Variants in RORA observed in about 807,000 individuals in gnomAD.
The protein encoded by RORA is RAR related orphan receptor A.
In RORA, 7 loss-of-function variants were observed where a neutral mutation model predicts 69.5. The observed-to-expected ratio is 0.10, with a 90% CI of 0.06 to 0.19. The LOEUF (loss-of-function observed/expected upper bound fraction) is 0.19, where lower values mean the gene tolerates loss of function less well. Among genes scored for constraint, RORA ranks in the 10% least tolerant of loss-of-function variants. The pLI is 1.00. For missense variants in RORA, 457 were observed against 663.0 expected (o/e 0.69, Z 3.41); for synonymous variants, 261 against 240.8 (o/e 1.08, Z -0.78).
intron 6 of RORA, 104 bp downstream of exon 6, chr15:60,505,404 G>T: frequency 9.1e-7 from 1 of 1,104,758 alleles, no homozygotes; most frequent in Non-Finnish European, 1.3e-6. Flanking sequence ...GAAACCTGAT[G>T]ACATTCATTC....
chr15:61,021,396 G>A (rs952193382), intron 1 of RORA, among the ~76,000 whole-genome samples: 3 of 152,180 alleles, frequency 2.0e-5, no homozygotes, highest in African/African-American at 7.2e-5. Flanking sequence ...GTCTGTTTAA[G>A]TGATTATAGC....
chr15:61,182,514 C>T (rs550598288), intron 1 of RORA, among the ~76,000 whole-genome samples: 2 of 152,350 alleles, frequency 1.3e-5, no homozygotes, highest in South Asian at 4.1e-4. Context: ...CTGGAGCCAA[C>T]TGCAGGAAGA....
intron 2 of RORA, chr15:60,558,431 G>GATCTCATACAC: frequency 1.7e-6 from 1 of 599,162 alleles, no homozygotes; most frequent in Non-Finnish European, 3.0e-6. Context: ...TAATTTAATA[G>GATCTCATACAC]ATCTCATACA....
intron 2 of RORA, among the ~76,000 whole-genome samples, chr15:60,580,127 T>C (rs1472411131): frequency 6.6e-6 from 1 of 152,184 alleles, no homozygotes; most frequent in African/African-American, 2.4e-5. Flanking sequence ...TTCAATGTAA[T>C]ATCAAGAGAG....
At chr15:60,676,098 G>A (rs988390856) in intron 2 of RORA, among the ~76,000 whole-genome samples, 2 of 152,012 alleles carry the variant, frequency 1.3e-5, no homozygotes, top group Non-Finnish European at 2.9e-5. Context: ...AAGAGGAGCT[G>A]GAATTTAACA....
chr15:61,037,632 A>T (rs1311560992), intron 1 of RORA, among the ~76,000 whole-genome samples: 1 of 152,218 alleles, frequency 6.6e-6, no homozygotes, highest in African/African-American at 2.4e-5. Context: ...AATTCAATTC[A>T]ATGAGCATTT....
chr15:60,611,168 G>T (rs1464673286), intron 2 of RORA, among the ~76,000 whole-genome samples: 2 of 152,126 alleles, frequency 1.3e-5, no homozygotes, highest in African/African-American at 4.8e-5. Context: ...GCCAGGCTGG[G>T]TATTATTACA....
chr15:60,565,691 C>A (rs916256736), intron 2 of RORA, among the ~76,000 whole-genome samples: 10 of 152,270 alleles, frequency 6.6e-5, no homozygotes, highest in African/African-American at 2.2e-4. Context: ...CCTCAGAGAA[C>A]CAGGATTATA....
intron 1 of RORA, among the ~76,000 whole-genome samples, chr15:61,030,196 T>C (rs961927839): frequency 1.3e-5 from 2 of 152,088 alleles, no homozygotes; most frequent in Non-Finnish European, 2.9e-5. Context: ...CTAGATGTAA[T>C]AGGTGATTCT....
intron 1 of RORA, among the ~76,000 whole-genome samples, chr15:61,047,098 CTT>C (rs1235106554): frequency 1.3e-5 from 2 of 152,224 alleles, no homozygotes; most frequent in Non-Finnish European, 2.9e-5. Context: ...AGGATTCTCT[CTT>C]TTTATTCTAG....
At chr15:60,914,773 A>T (rs935863635) in intron 1 of RORA, among the ~76,000 whole-genome samples, 5 of 152,224 alleles carry the variant, frequency 3.3e-5, no homozygotes, top group Admixed American at 1.3e-4. Context: ...ATCATTTAGG[A>T]AACAAAAGCA....
At chr15:60,620,903 C>T (rs1053602824) in intron 2 of RORA, among the ~76,000 whole-genome samples, 2 of 152,210 alleles carry the variant, frequency 1.3e-5, no homozygotes, top group Non-Finnish European at 2.9e-5. Context: ...TGCATGTGAA[C>T]GTGGCAGGAA....
intron 2 of RORA, among the ~76,000 whole-genome samples, chr15:60,621,972 C>T (rs770214301): frequency 6.6e-6 from 1 of 151,898 alleles, no homozygotes; most frequent in East Asian, 1.9e-4. Context: ...TGCTTGAATC[C>T]GGGAGGCGGA....
At chr15:61,217,253 C>G (rs1040697131) in intron 1 of RORA, among the ~76,000 whole-genome samples, 2 of 152,148 alleles carry the variant, frequency 1.3e-5, no homozygotes, top group African/African-American at 4.8e-5. Context: ...TAAGACTAGG[C>G]TCATACCTGG....
intron 1 of RORA, among the ~76,000 whole-genome samples, chr15:60,880,437 G>A (rs1215370096): frequency 6.6e-6 from 1 of 152,176 alleles, no homozygotes; most frequent in African/African-American, 2.4e-5. Flanking sequence ...TCAGGAGATC[G>A]AGACCGTCCG....
At chr15:60,762,591 AG>A (rs770443548) in intron 1 of RORA, among the ~76,000 whole-genome samples, 3 of 152,100 alleles carry the variant, frequency 2.0e-5, no homozygotes, top group Admixed American at 6.6e-5. Context: ...CAGGGAATAA[AG>A]GAGCATCTCC....
intron 3 of RORA, 75 bp from the exon 4 acceptor site, chr15:60,514,832 G>T: frequency 1.9e-6 from 2 of 1,051,184 alleles, no homozygotes; most frequent in Non-Finnish European, 2.9e-6. Flanking sequence ...AGGATGCTAA[G>T]CACTGAGTGG....
intron 2 of RORA, among the ~76,000 whole-genome samples, chr15:60,669,179 T>G (rs1831461304): frequency 6.6e-6 from 1 of 152,232 alleles, no homozygotes; most frequent in African/African-American, 2.4e-5. Flanking sequence ...CAAGTTTCAC[T>G]GCACATTCCA....
intron 1 of RORA, among the ~76,000 whole-genome samples, chr15:61,059,952 A>AGAG (rs1184555269): frequency 1.2e-3 from 150 of 122,274 alleles, no homozygotes; most frequent in South Asian, 1.7e-3. Context: ...AAGAAGAAGA[A>AGAG]GAAGAAGAAG....
Sources: gnomAD v4.1 joint callset for allele counts (sites outside exome capture counted in the v4.1 genomes callset) on GRCh38, gnomAD v4.1.1 for gene constraint, MANE v1.5 for transcripts, NCBI Gene and HGNC (gene_info 2026-07-23, HGNC 2026-07-21) for gene names.